The following PLA2G4A variants were observed in gnomAD, a reference collection of about 807,000 sequenced individuals.
The protein encoded by PLA2G4A is phospholipase A2 group IVA.
In PLA2G4A, 40 loss-of-function variants were observed where a neutral mutation model predicts 81.9. That is an observed-to-expected ratio of 0.49 (90% CI 0.38 to 0.64). PLA2G4A has a LOEUF of 0.64. PLA2G4A is among the 30% of genes least tolerant of loss of function. The pLI is 0.00. For synonymous variants in PLA2G4A, 302 were observed against 296.9 expected (o/e 1.02, Z -0.18); for missense variants, 715 against 905.1 (o/e 0.79, Z 2.69).
intron 2 of PLA2G4A, among the ~76,000 whole-genome samples, chr1:186,858,901 C>A (rs933658221): frequency 4.6e-5 from 7 of 150,734 alleles, no homozygotes; most frequent in East Asian, 1.9e-4. Context: ...GGAAAAAAAA[C>A]CAACTGTGGG....
At chr1:186,858,916 T>C (rs1000358077) in intron 2 of PLA2G4A, among the ~76,000 whole-genome samples, 3 of 149,516 alleles carry the variant, frequency 2.0e-5, no homozygotes, top group Non-Finnish European at 4.4e-5. Context: ...TGTGGGTGTG[T>C]GCGTGTGTGT....
intron 2 of PLA2G4A, among the ~76,000 whole-genome samples, chr1:186,858,289 G>T (rs10911932): frequency 0.51 from 76,785 of 151,834 alleles, 19,798 homozygotes; most frequent in East Asian, 0.69. Flanking sequence ...AGTTTTTTAT[G>T]ATTGTCATTC....
At chr1:186,988,022 T>C (rs1657940252) in intron 17 of PLA2G4A, among the ~76,000 whole-genome samples, 1 of 152,214 alleles carries the variant, frequency 6.6e-6, no homozygotes, top group Non-Finnish European at 1.5e-5. Flanking sequence ...ACATAAATTA[T>C]AGATTTAGTA....
intron 2 of PLA2G4A, among the ~76,000 whole-genome samples, chr1:186,857,587 A>G (rs1325700445): frequency 6.9e-6 from 1 of 144,584 alleles, no homozygotes; most frequent in Non-Finnish European, 1.5e-5. Flanking sequence ...TATAAAATAT[A>G]TTATATATAT....
At chr1:186,977,880 A>T (rs962116111) in intron 16 of PLA2G4A, 92 bp downstream of exon 16, 1 of 848,780 alleles carries the variant, frequency 1.2e-6, no homozygotes, top group Non-Finnish European at 2.1e-6. Context: ...CTGCTGTACC[A>T]GCTATTACAC....
At chr1:186,979,555 T>C (rs1657648947) in intron 17 of PLA2G4A, 83 bp downstream of exon 17, 2 of 925,578 alleles carry the variant, frequency 2.2e-6, no homozygotes, top group Admixed American at 3.8e-5. Context: ...CAATTAAAAA[T>C]AAAAAAATAA....
intron 1 of PLA2G4A, among the ~76,000 whole-genome samples, chr1:186,842,085 C>G (rs1007685202): frequency 2.7e-5 from 4 of 147,682 alleles, no homozygotes; most frequent in African/African-American, 1.0e-4. Flanking sequence ...CTCTGTTGCC[C>G]AAGCTGAAGG....
chr1:186,858,872 A>C (rs1405828320), intron 2 of PLA2G4A, among the ~76,000 whole-genome samples: 1 of 151,230 alleles, frequency 6.6e-6, no homozygotes, highest in African/African-American at 2.4e-5. Context: ...TATTCTTCTT[A>C]TTCTCGCTAT....
chr1:186,895,562 C>T (rs1046282850), intron 5 of PLA2G4A, among the ~76,000 whole-genome samples: 2 of 152,190 alleles, frequency 1.3e-5, no homozygotes, highest in African/African-American at 4.8e-5. Flanking sequence ...CCTCAATTAT[C>T]TCCCTCTGGG....
chr1:186,886,520 G>A (rs1181451581), intron 3 of PLA2G4A, among the ~76,000 whole-genome samples: 1 of 152,052 alleles, frequency 6.6e-6, no homozygotes, highest in African/African-American at 2.4e-5. Context: ...ATATATCAAA[G>A]GAATGACCAC....
chr1:186,893,219 A>C, intron 4 of PLA2G4A, 60 bp downstream of exon 4: 1 of 1,442,820 alleles, frequency 6.9e-7, no homozygotes, highest in Non-Finnish European at 9.8e-7. Flanking sequence ...GACATGCTTG[A>C]GTTTGTCCTT....
chr1:186,930,795 C>G (rs1485225672), intron 7 of PLA2G4A, among the ~76,000 whole-genome samples: 1 of 152,244 alleles, frequency 6.6e-6, no homozygotes. Context: ...TCCCAACTCC[C>G]TAATATACAC....
chr1:186,836,534 T>A (rs1374955469), intron 1 of PLA2G4A, among the ~76,000 whole-genome samples: 1 of 152,044 alleles, frequency 6.6e-6, no homozygotes, highest in African/African-American at 2.4e-5. Flanking sequence ...AGTAGGAAAA[T>A]GCAATTTTTT....
intron 14 of PLA2G4A, among the ~76,000 whole-genome samples, chr1:186,958,813 G>A (rs986516062): frequency 1.3e-5 from 2 of 152,266 alleles, no homozygotes; most frequent in East Asian, 3.9e-4. Context: ...ACAACTTCCT[G>A]GAAGTTTTGC....
At chr1:186,938,014 A>T (rs1557882902) in intron 8 of PLA2G4A, among the ~76,000 whole-genome samples, 1 of 152,086 alleles carries the variant, frequency 6.6e-6, no homozygotes, top group Non-Finnish European at 1.5e-5. Flanking sequence ...CCAAGGAAAT[A>T]AGAGATTAAA....
intron 2 of PLA2G4A, among the ~76,000 whole-genome samples, chr1:186,857,166 TAATTATATA>T (rs1652601732): frequency 3.1e-4 from 1 of 3,220 alleles, no homozygotes; most frequent in Non-Finnish European, 1.1e-3. Flanking sequence ...TAATATAATA[TAATTATATA>T]ATATGTCTGC....
Position 186,982,808 on chromosome 1 carries a change from G to A in PLA2G4A, c.2118+3336G>A, listed in dbSNP as rs1022472366. On this transcript the variant is annotated intron_variant, in intron 17 of 17. Transcript: ENST00000367466. ...AAACACATTTTTGGGGCCGGGCGCCGTGGTTCACGCCTATAATCCCAGCAC... is the reference window on the plus strand; with the variant it reads ...AAACACATTTTTGGGGCCGGGCGCCATGGTTCACGCCTATAATCCCAGCAC... 1.3e-4 allele frequency among the ~76,000 whole-genome samples: 20 copies of A among 152,272 alleles called. 1 individual carries two copies. Among genetic ancestry groups the A allele is most frequent in the African/African-American group, 3.4e-4 (14 of 41,554 alleles).
intron 3 of PLA2G4A, among the ~76,000 whole-genome samples, chr1:186,880,467 C>T (rs1653686751): frequency 6.6e-6 from 1 of 151,764 alleles, no homozygotes; most frequent in South Asian, 2.1e-4. Flanking sequence ...AACAATTTTG[C>T]CTCCTGGTGC....
rs555264243 is a variant in PLA2G4A at position 186,910,464 on chromosome 1, C to T, written c.417-784C>T. Among the ~76,000 whole-genome samples the T allele has an allele frequency of 1.4e-4, 22 of 152,214 alleles. No individual in the cohort carries two copies. The South Asian group carries it at 4.6e-3, about 32-fold the overall frequency. On this transcript the variant is annotated intron_variant, in intron 6 of 17. Transcript: ENST00000367466. ...TCTTATATGTTGCATGGTGAAAGTA[C>T]ATCACATGTTTACTCTGTGATCCTA...
Sources: gnomAD v4.1 joint callset for allele counts (sites outside exome capture counted in the v4.1 genomes callset) on GRCh38, gnomAD v4.1.1 for gene constraint, MANE v1.5 for transcripts, NCBI Gene and HGNC (gene_info 2026-07-23, HGNC 2026-07-21) for gene names.